PDGFC: variants seen among roughly 807,000 people sequenced by gnomAD.
PDGFC encodes the protein platelet-derived growth factor C.
In PDGFC, 12 loss-of-function variants were observed where a neutral mutation model predicts 35.5. The observed-to-expected ratio is 0.34, with a 90% confidence interval of 0.22 to 0.55. PDGFC has a LOEUF of 0.55. PDGFC is among the 20% of genes least tolerant of loss of function. The pLI is 0.91. For missense variants in PDGFC, 322 were observed against 412.4 expected (o/e 0.78, Z 1.90); for synonymous variants, 159 against 148.8 (o/e 1.07, Z -0.50).
chr4:156,849,907 A>G (rs1277482243), intron 2 of PDGFC, among the ~76,000 whole-genome samples: 1 of 152,038 alleles, frequency 6.6e-6, no homozygotes, highest in Non-Finnish European at 1.5e-5. Context: ...TAGCACAACT[A>G]CAGTCCTTTA....
rs2110772362 is a variant in PDGFC at position 156,761,274 on chromosome 4, T to A, written c.*1816A>T. 1 of 152,344 alleles carries A rather than the reference T, an allele frequency of 6.6e-6. No individual in the cohort carries two copies. The highest frequency in any genetic ancestry group is 1.5e-5 in the Non-Finnish European group (1 of 68,056). 9.4% of individuals were successfully genotyped at this position (152,344 alleles called of 1,614,324 possible). A position where few individuals can be genotyped will look rare whatever the true frequency, so the allele number is the denominator to read the frequency against. On this transcript the variant is annotated 3_prime_UTR_variant, in exon 6 of 6. Coordinates refer to ENST00000502773, the MANE Select transcript of PDGFC (RefSeq NM_016205.3). ...CAAATCAATTTATGCTCACCCCATT[T>A]AGTAGTTGCCAGTGACAATGAAGAC...
chr4:156,920,765 T>C (rs929026154), intron 1 of PDGFC, among the ~76,000 whole-genome samples: 13 of 151,916 alleles, frequency 8.6e-5, no homozygotes, highest in African/African-American at 2.9e-4. Flanking sequence ...CAAGCCTAAA[T>C]AAAAACTATA....
At chr4:156,766,145 A>T (rs547432046) in intron 5 of PDGFC, among the ~76,000 whole-genome samples, 1 of 152,254 alleles carries the variant, frequency 6.6e-6, no homozygotes, top group Non-Finnish European at 1.5e-5. Flanking sequence ...AATAGACAAT[A>T]ATTTTGAAAT....
intron 3 of PDGFC, among the ~76,000 whole-genome samples, chr4:156,804,985 C>A (rs115185324): frequency 6.6e-6 from 1 of 151,896 alleles, no homozygotes; most frequent in Admixed American, 6.6e-5. Flanking sequence ...GTGCTAATTG[C>A]GTTTTTCTTT....
intron 3 of PDGFC, among the ~76,000 whole-genome samples, chr4:156,774,733 A>G (rs1730781076): frequency 6.6e-6 from 1 of 150,944 alleles, no homozygotes; most frequent in East Asian, 1.9e-4. Context: ...TGAGAAAAGC[A>G]CAGTGGAATG....
At chr4:156,965,634 T>C (rs1331223418) in intron 1 of PDGFC, among the ~76,000 whole-genome samples, 2 of 151,980 alleles carry the variant, frequency 1.3e-5, no homozygotes, top group African/African-American at 4.8e-5. Flanking sequence ...GGCAAATGAC[T>C]GGAAGTTGCA....
At chr4:156,837,421 CT>C (rs375550269) in intron 2 of PDGFC, among the ~76,000 whole-genome samples, 36 of 148,740 alleles carry the variant, frequency 2.4e-4, no homozygotes, top group Middle Eastern at 3.5e-3. Flanking sequence ...ATTGCCATTG[CT>C]TTTTTTTTTC....
chr4:156,898,763 A>G (rs1730694740), intron 1 of PDGFC, among the ~76,000 whole-genome samples: 1 of 152,076 alleles, frequency 6.6e-6, no homozygotes, highest in African/African-American at 2.4e-5. Context: ...TGGGCCAAAG[A>G]AATCCTCCTG....
chr4:156,792,666 G>A (rs114612388), intron 3 of PDGFC, among the ~76,000 whole-genome samples: 3 of 152,248 alleles, frequency 2.0e-5, no homozygotes, highest in South Asian at 4.1e-4. Context: ...CCAATTCCAC[G>A]TAGTGTGCAT....
chr4:156,815,323 TACACACACACAC>T (rs3042796), intron 2 of PDGFC, among the ~76,000 whole-genome samples: 1,951 of 145,084 alleles, frequency 0.013, 13 homozygotes, highest in African/African-American at 0.018. Flanking sequence ...AATAATTTTT[TACACACACACAC>T]ACACACACAC....
chr4:156,824,293 T>A (rs1394653129), intron 2 of PDGFC, among the ~76,000 whole-genome samples: 2 of 31,662 alleles, frequency 6.3e-5, no homozygotes, highest in Non-Finnish European at 1.4e-4. Flanking sequence ...AGCATATATA[T>A]ATATATATAT....
At chr4:156,922,922 C>T (rs537596964) in intron 1 of PDGFC, among the ~76,000 whole-genome samples, 1 of 152,242 alleles carries the variant, frequency 6.6e-6, no homozygotes, top group South Asian at 2.1e-4. Flanking sequence ...CACTACTGCC[C>T]TGATACAAGT....
intron 3 of PDGFC, among the ~76,000 whole-genome samples, chr4:156,810,120 T>C (rs9996001): frequency 0.12 from 17,486 of 151,748 alleles, 1,323 homozygotes; most frequent in African/African-American, 0.2. Context: ...TATTAAACTA[T>C]TGCCTATTAA....
At chr4:156,862,428 C>T (rs992009287) in intron 1 of PDGFC, among the ~76,000 whole-genome samples, 10 of 152,266 alleles carry the variant, frequency 6.6e-5, no homozygotes, top group Admixed American at 6.5e-5. Context: ...AAATTGAACA[C>T]TGATGAAACT....
chr4:156,904,420 T>C (rs995468720), intron 1 of PDGFC, among the ~76,000 whole-genome samples: 3 of 152,074 alleles, frequency 2.0e-5, no homozygotes, highest in African/African-American at 7.2e-5. Flanking sequence ...GAACATTAAA[T>C]AAAATAACAC....
At chr4:156,793,549 AT>A (rs1731354216) in intron 3 of PDGFC, among the ~76,000 whole-genome samples, 1 of 145,058 alleles carries the variant, frequency 6.9e-6, no homozygotes, top group African/African-American at 2.5e-5. Context: ...ATATATATAT[AT>A]ATATATATAT....
intron 1 of PDGFC, among the ~76,000 whole-genome samples, chr4:156,859,723 A>G (rs907429687): frequency 1.3e-5 from 2 of 152,154 alleles, no homozygotes; most frequent in African/African-American, 4.8e-5. Context: ...TTAGGTTTTT[A>G]AAGAAATTAA....
At chr4:156,877,066 T>TCTA (rs1367092828) in intron 1 of PDGFC, among the ~76,000 whole-genome samples, 1 of 152,086 alleles carries the variant, frequency 6.6e-6, no homozygotes, top group Non-Finnish European at 1.5e-5. Context: ...TGATATAGCT[T>TCTA]CTACACACCT....
At chr4:156,941,931 T>C (rs1007528600) in intron 1 of PDGFC, among the ~76,000 whole-genome samples, 4 of 152,092 alleles carry the variant, frequency 2.6e-5, no homozygotes, top group Non-Finnish European at 5.9e-5. Flanking sequence ...TAAAAGAACT[T>C]TGACGTTTTA....
Sources: gnomAD v4.1 joint callset for allele counts (sites outside exome capture counted in the v4.1 genomes callset) on GRCh38, gnomAD v4.1.1 for gene constraint, MANE v1.5 for transcripts, NCBI Gene and HGNC (gene_info 2026-07-23, HGNC 2026-07-21) for gene names.